Variants in MACO1 observed in about 807,000 individuals in gnomAD.
The protein encoded by MACO1 is macoilin.
MACO1 carries 14 observed loss-of-function variants against 78.7 expected under a neutral mutation model. The observed-to-expected ratio is 0.18, with a 90% CI of 0.12 to 0.28. The LOEUF is 0.28. MACO1 is among the 10% of genes least tolerant of loss of function. The pLI, the probability that MACO1 is intolerant of heterozygous loss-of-function variation, is 1.00. For synonymous variants in MACO1, 288 were observed against 291.6 expected (o/e 0.99, Z 0.12); for missense variants, 501 against 799.0 (o/e 0.63, Z 4.50).
At position 25,492,101 on chromosome 1, in the gene MACO1, G is replaced by T. The variant is rs142613959; in HGVS notation, c.1792+517G>T. Among the ~76,000 whole-genome samples, 557 of 152,294 alleles carry T rather than the reference G, an allele frequency of 3.7e-3. 3 individuals are homozygous for T. Among genetic ancestry groups the T allele is most frequent in the African/African-American group, 0.012 (516 of 41,550 alleles). ...CAAGGGCTGGGAGCTAGTGGGACTT[G>T]ATGTGTTCCAAGCTGCAGCCAGCCT... On this transcript the variant is annotated intron_variant, in intron 10 of 10. Transcript: ENST00000374343.
At chr1:25,477,790 A>G (rs1020371956) in intron 6 of MACO1, among the ~76,000 whole-genome samples, 4 of 152,266 alleles carry the variant, frequency 2.6e-5, no homozygotes, top group African/African-American at 4.8e-5. Context: ...TATTGGCAGT[A>G]GCCACTGAAG....
chr1:25,431,107 G>A lies in MACO1; in HGVS notation c.9G>A (p.Arg3=). The A allele has an allele frequency of 6.3e-7, 1 of 1,592,722 alleles. No individual in the cohort carries two copies. Among genetic ancestry groups the A allele is most frequent in the Non-Finnish European group, 8.5e-7 (1 of 1,172,260 alleles). The change falls in exon 1 of 11, where the codon CGG becomes CGA. Residue 3 remains arginine, a synonymous_variant. Coordinates refer to ENST00000374343, the MANE Select transcript of MACO1 (RefSeq NM_018202.6). ...GGCCCCCCAGCGGGAGGATGAAGCGGCGGAACGCCGACTGCAGTAAGCTCC... is the reference window on the plus strand; with the variant it reads ...GGCCCCCCAGCGGGAGGATGAAGCGACGGAACGCCGACTGCAGTAAGCTCC... MK[R]RNADCSKLRR... is the part of the protein sequence containing the mutation.
chr1:25,480,760 G>A (rs927684824), intron 6 of MACO1, among the ~76,000 whole-genome samples: 1 of 151,306 alleles, frequency 6.6e-6, no homozygotes, highest in Non-Finnish European at 1.5e-5. Flanking sequence ...GCGAAACCTC[G>A]TCTCTACTAA....
chr1:25,450,513 A>G (rs1304126939), intron 3 of MACO1, among the ~76,000 whole-genome samples: 3 of 152,172 alleles, frequency 2.0e-5, no homozygotes, highest in Non-Finnish European at 4.4e-5. Context: ...AACCTGTAGG[A>G]TTTTGACCAG....
intron 1 of MACO1, among the ~76,000 whole-genome samples, chr1:25,436,502 CTT>C (rs1242598295): frequency 1.3e-5 from 2 of 152,004 alleles, no homozygotes; most frequent in African/African-American, 2.4e-5. Flanking sequence ...AATTATTTTA[CTT>C]GGCTCTTGCT....
intron 1 of MACO1, among the ~76,000 whole-genome samples, chr1:25,440,673 G>A (rs2042963703): frequency 1.3e-5 from 2 of 151,286 alleles, no homozygotes; most frequent in South Asian, 2.1e-4. Context: ...AGAGGCTGAG[G>A]TGGGAGAATC....
At chr1:25,441,149 C>T (rs2042968538) in intron 1 of MACO1, among the ~76,000 whole-genome samples, 1 of 152,186 alleles carries the variant, frequency 6.6e-6, no homozygotes, top group Admixed American at 6.5e-5. Flanking sequence ...AAAAGTCCTA[C>T]TGTCAGTCCT....
chr1:25,435,065 A>G (rs926013020), intron 1 of MACO1, among the ~76,000 whole-genome samples: 1 of 152,238 alleles, frequency 6.6e-6, no homozygotes, highest in Non-Finnish European at 1.5e-5. Context: ...TTTAAAGTAT[A>G]CATATATTCC....
chr1:25,437,354 G>A (rs928879116), intron 1 of MACO1, among the ~76,000 whole-genome samples: 18 of 133,912 alleles, frequency 1.3e-4, no homozygotes, highest in African/African-American at 4.0e-4. Flanking sequence ...ATGGAGTCTC[G>A]CCGTGTTGTA....
intron 6 of MACO1, among the ~76,000 whole-genome samples, chr1:25,473,679 G>A (rs1316253749): frequency 6.6e-6 from 1 of 152,170 alleles, no homozygotes; most frequent in Non-Finnish European, 1.5e-5. Context: ...GGGGGTTAGG[G>A]GTGGATTCCC....
At chr1:25,487,023 A>AC (rs2043439555) in intron 8 of MACO1, among the ~76,000 whole-genome samples, 1 of 152,148 alleles carries the variant, frequency 6.6e-6, no homozygotes, top group African/African-American at 2.4e-5. Context: ...CAGTTCCTTA[A>AC]CGATATTGCT....
chr1:25,448,725 G>A (rs2043038160), intron 2 of MACO1, 83 bp from the exon 3 acceptor site: 1 of 1,289,190 alleles, frequency 7.8e-7, no homozygotes, highest in Admixed American at 2.5e-5. Flanking sequence ...CAATAATTTT[G>A]TCCAACATGT....
At chr1:25,464,660 ACC>A (rs369052095) in intron 6 of MACO1, among the ~76,000 whole-genome samples, 43 of 63,186 alleles carry the variant, frequency 6.8e-4, no homozygotes, top group African/African-American at 1.9e-3. Context: ...TTCTTCCCCC[ACC>A]CCCCCCCTCC....
intron 3 of MACO1, among the ~76,000 whole-genome samples, chr1:25,451,967 GA>G (rs1416503995): frequency 6.6e-6 from 1 of 151,122 alleles, no homozygotes; most frequent in Non-Finnish European, 1.5e-5. Context: ...AAAAGAAAAG[GA>G]AAAAAAGTAC....
chr1:25,439,674 T>G (rs9438908), intron 1 of MACO1, among the ~76,000 whole-genome samples: 11,100 of 151,962 alleles, frequency 0.073, 1,322 homozygotes, highest in African/African-American at 0.25. Flanking sequence ...ATTTCTGTTT[T>G]TTTTTTTTTT....
At chr1:25,450,436 A>G (rs1003489595) in intron 3 of MACO1, among the ~76,000 whole-genome samples, 2 of 152,054 alleles carry the variant, frequency 1.3e-5, no homozygotes, top group Non-Finnish European at 2.9e-5. Context: ...CTAGGATTTG[A>G]GGATTGGCTG....
chr1:25,492,460 T>C (rs2124613365), intron 10 of MACO1, among the ~76,000 whole-genome samples: 1 of 151,972 alleles, frequency 6.6e-6, no homozygotes, highest in African/African-American at 2.4e-5. Flanking sequence ...GTGAGCCGTG[T>C]AAAGAGCTGG....
At chr1:25,433,272 T>A (rs772245238) in intron 1 of MACO1, among the ~76,000 whole-genome samples, 17 of 152,216 alleles carry the variant, frequency 1.1e-4, no homozygotes, top group Non-Finnish European at 2.1e-4. Context: ...CAAGATTTTT[T>A]TTTTTTTGCC....
In MACO1 at chr1:25,458,492, T is replaced by A; in HGVS notation, c.754T>A (p.Tyr252Asn). ...KLSTTLPEIE[Y>N]REKGKEKDKD... ...CTCCACAACTTTGCCAGAGATAGAA[T>A]ACCGAGAAAAAGGGAAAGAAAAGGA... is the stretch of plus-strand genomic sequence containing the variant. Residue 252 changes from tyrosine to asparagine, a missense_variant, in exon 6 of 11, where the codon TAC becomes AAC. Physicochemically the swap from Tyr to Asn is moderately radical, Grantham distance 143. Coordinates refer to ENST00000374343, the MANE Select transcript of MACO1 (RefSeq NM_018202.6). 1 of 1,613,634 alleles carries A rather than the reference T, an allele frequency of 6.2e-7. No homozygotes were observed. Among genetic ancestry groups the A allele is most frequent in the Non-Finnish European group, 8.5e-7 (1 of 1,179,914 alleles).
Sources: gnomAD v4.1 joint callset for allele counts (sites outside exome capture counted in the v4.1 genomes callset) on GRCh38, gnomAD v4.1.1 for gene constraint, MANE v1.5 for transcripts, NCBI Gene and HGNC (gene_info 2026-07-23, HGNC 2026-07-21) for gene names.